Variants in HMCN2 observed in about 807,000 individuals in gnomAD.
HMCN2 encodes the protein hemicentin 2, also known as hemicentin-2.
In HMCN2, 325 loss-of-function variants were observed where a neutral mutation model predicts 377.5. That is an observed-to-expected ratio of 0.86 (90% CI 0.79 to 0.94). HMCN2 has a LOEUF of 0.94. Among genes scored for constraint, HMCN2 ranks in the 40% least tolerant of loss-of-function variants. The pLI, the probability that HMCN2 is intolerant of heterozygous loss-of-function variation, is 0.00. For missense variants in HMCN2, 4,543 were observed against 4,725.3 expected (o/e 0.96, Z 1.13); for synonymous variants, 2,007 against 2,046.8 (o/e 0.98, Z 0.53).
At chr9:130,309,362 A>C (rs1442499138) in intron 14 of HMCN2, among the ~76,000 whole-genome samples, 4 of 151,854 alleles carry the variant, frequency 2.6e-5, no homozygotes, top group Non-Finnish European at 5.9e-5. Context: ...AAAAATATAA[A>C]AAATTAGCTG....
chr9:130,319,929 C>T (rs1588236406), intron 16 of HMCN2, among the ~76,000 whole-genome samples: 1 of 152,236 alleles, frequency 6.6e-6, no homozygotes, highest in East Asian at 1.9e-4. Flanking sequence ...GATTAGCAGC[C>T]ACTTTATGGG....
Position 130,351,364 on chromosome 9 carries a change from A to C in HMCN2, c.4431-59A>C, listed in dbSNP as rs1416208443. ...TACAAGCCACACACTCCCTGTGTGC[A>C]GCGTGTCCCATCCAGCCCCTCGGCC... is the stretch of plus-strand genomic sequence containing the variant. On this transcript the variant is annotated intron_variant, in intron 29 of 97. Coordinates refer to ENST00000683500, the MANE Select transcript of HMCN2 (RefSeq NM_001291815.2). The surrounding 1 kb of genome is among the most constrained non-coding windows in gnomAD (Gnocchi z 5.4). 8.1e-7 allele frequency: 1 copy of C among 1,237,638 alleles called. No individual in the cohort carries two copies. The highest frequency in any genetic ancestry group is 2.5e-5 in the Admixed American group (1 of 40,316). The allele number at this position is 1,237,638 out of a possible 1,614,324, so 76.7% of individuals were successfully genotyped here.
At chr9:130,429,199 C>T (rs1844582167) in intron 93 of HMCN2, 2 of 236,834 alleles carry the variant, frequency 8.4e-6, no homozygotes, top group Admixed American at 1.0e-4. Context: ...GGCTCCCCTC[C>T]TCACCACGAC....
In HMCN2 at chr9:130,428,273, CTG is replaced by C. The variant is rs528316619; in HGVS notation, c.14066-82_14066-81del. On this transcript the variant is annotated intron_variant, in intron 92 of 97. Transcript: ENST00000683500. The surrounding 1 kb of genome is among the most constrained non-coding windows in gnomAD (Gnocchi z 5.0). ...GCTCCTGGGCCTGCGGACGAAGCCT[CTG>C]TGGATAGGCCGGGCCAGGGTCAGGT... 9.0e-5 allele frequency: 129 copies of C among 1,427,804 alleles called. No individual in the cohort carries two copies. In the African/African-American group the frequency reaches 1.7e-3, roughly 19 times the overall value. The allele number at this position is 1,427,804 out of a possible 1,614,324, so 88.4% of individuals were successfully genotyped here. A position where few individuals can be genotyped will look rare whatever the true frequency, so the allele number is the denominator to read the frequency against.
rs549666893 is a variant in HMCN2 at position 130,431,208 on chromosome 9, C to T, written c.14648-159C>T. Reference sequence around the variant, plus strand: ...TCCCTCTCAGCAAGCACAGGGACTCCCCCAACCCCTGAACCTGGGCTGGGA... The same window carrying T: ...TCCCTCTCAGCAAGCACAGGGACTCTCCCAACCCCTGAACCTGGGCTGGGA... On this transcript the variant is annotated intron_variant, in intron 95 of 97. Coordinates refer to ENST00000683500, the MANE Select transcript of HMCN2 (RefSeq NM_001291815.2). 3.1e-4 allele frequency: 224 copies of T among 732,790 alleles called. 1 individual carries two copies. The South Asian group carries it at 3.9e-3, about 13-fold the overall frequency. The allele number at this position is 732,790 out of a possible 1,614,324, so 45.4% of individuals were successfully genotyped here.
chr9:130,352,511 A>C (rs113885339), intron 30 of HMCN2, among the ~76,000 whole-genome samples: 1 of 152,208 alleles, frequency 6.6e-6, no homozygotes, highest in Non-Finnish European at 1.5e-5. Flanking sequence ...CAGTTATTTC[A>C]TGCTGTGCCC....
chr9:130,277,586 G>A (rs1564739003), intron 1 of HMCN2, among the ~76,000 whole-genome samples: 1 of 152,178 alleles, frequency 6.6e-6, no homozygotes, highest in African/African-American at 2.4e-5. Flanking sequence ...AGACCTCATA[G>A]GTTGTTGTAA....
chr9:130,318,687 C>G (rs990731326), intron 15 of HMCN2, among the ~76,000 whole-genome samples: 1 of 152,150 alleles, frequency 6.6e-6, no homozygotes, highest in East Asian at 1.9e-4. Context: ...TCTTATAACT[C>G]CTGGTTTCCA....
intron 36 of HMCN2, 89 bp downstream of exon 36, chr9:130,358,575 G>T: frequency 8.2e-7 from 1 of 1,216,048 alleles, no homozygotes; most frequent in Non-Finnish European, 1.1e-6. Flanking sequence ...GGCGAGGGAG[G>T]GGGAGGAGGT....
chr9:130,365,533 C>A, intron 41 of HMCN2, 98 bp from the exon 42 acceptor site: 1 of 518,594 alleles, frequency 1.9e-6, no homozygotes, highest in Non-Finnish European at 2.5e-6. Context: ...CTTGGGGGCT[C>A]AGCAAGGTCA....
chr9:130,272,558 T>G (rs925583278), intron 1 of HMCN2, among the ~76,000 whole-genome samples: 1 of 151,880 alleles, frequency 6.6e-6, no homozygotes, highest in African/African-American at 2.4e-5. Flanking sequence ...CTTCTTCTTT[T>G]AAACTTTGAG....
Position 130,405,495 on chromosome 9 carries a change from A to T in HMCN2, c.12339+436A>T, listed in dbSNP as rs373279280. On this transcript the variant is annotated intron_variant, in intron 81 of 97. Coordinates refer to ENST00000683500, the MANE Select transcript of HMCN2 (RefSeq NM_001291815.2). Reference sequence around the variant, plus strand: ...AATTTTATGATGAGACCCTCTCCAGATGGGTTCAGTGGACACACCTAGAGG... The same window carrying T: ...AATTTTATGATGAGACCCTCTCCAGTTGGGTTCAGTGGACACACCTAGAGG... Among the ~76,000 whole-genome samples, 24 of 152,082 alleles carry T rather than the reference A, an allele frequency of 1.6e-4. No individual in the cohort carries two copies. The South Asian group carries it at 3.1e-3, about 20-fold the overall frequency.
intron 61 of HMCN2, among the ~76,000 whole-genome samples, chr9:130,386,991 C>T (rs1235556657): frequency 6.6e-6 from 1 of 152,214 alleles, no homozygotes. Flanking sequence ...ATCCCATGGA[C>T]CGCCATGACA....
intron 25 of HMCN2, among the ~76,000 whole-genome samples, chr9:130,345,620 G>T (rs1435519171): frequency 6.6e-6 from 1 of 151,546 alleles, no homozygotes. Context: ...GGTGTGTGGT[G>T]TGTGTATCGT....
rs142150951 is a variant in HMCN2, at chr9:130,304,847, G to A, written c.1661G>A (p.Trp554Ter). ...TACAACCTGACGTGGGTCCGGGACT[G>A]GCGAGTCCTGCCGGCCTCGACGGGC... Reference protein sequence around the residue: ...APYNLTWVRDWRVLPASTGRV... With the variant: ...APYNLTWVRD Residue 554 changes from tryptophan (W) to a stop codon, truncating the protein, a stop_gained, in exon 11 of 98, where the codon TGG becomes TAG. Transcript: ENST00000683500. LOFTEE classifies it high-confidence loss of function. This position sits in a 1 kb window ranked among gnomAD's most constrained non-coding sequence, Gnocchi z 4.3. The A allele has an allele frequency of 2.1e-6, 1 of 471,148 alleles. No individual in the cohort carries two copies. Among genetic ancestry groups the A allele is most frequent in the Non-Finnish European group, 4.4e-6 (1 of 227,056 alleles). 29.2% of individuals were successfully genotyped at this position (471,148 alleles called of 1,614,324 possible).
intron 39 of HMCN2, among the ~76,000 whole-genome samples, chr9:130,362,650 G>A (rs2131569912): frequency 6.6e-6 from 1 of 152,366 alleles, no homozygotes; most frequent in East Asian, 1.9e-4. Flanking sequence ...GGGCTCTAGA[G>A]GACTCTTCCT....
chr9:130,285,194 A>G lies in HMCN2; in HGVS notation c.367A>G (p.Ile123Val), dbSNP rs1373944505. The change falls in exon 3 of 98, where the codon ATT becomes GTT. Residue 123 changes from isoleucine (I) to valine (V), a missense_variant. This residue lies in a region of HMCN2 where 547 missense variants were observed against 189.9 expected (regional missense o/e 2.88). Coordinates refer to ENST00000683500, the MANE Select transcript of HMCN2 (RefSeq NM_001291815.2). ...GDCPEMSVGA[I>V]KAAVEVANPG... ...CTGCCCGGAGATGAGTGTGGGGGCC[A>G]TTAAGGCTGCCGTGGAGGTTGCCAA... 4.2e-6 allele frequency: 2 copies of G among 471,026 alleles called. No individual in the cohort carries two copies. The highest frequency in any genetic ancestry group is 6.9e-5 in the East Asian group (1 of 14,398). 29.2% of individuals were successfully genotyped at this position (471,026 alleles called of 1,614,324 possible).
intron 8 of HMCN2, among the ~76,000 whole-genome samples, chr9:130,302,141 C>T (rs2131337467): frequency 6.6e-6 from 1 of 151,886 alleles, no homozygotes; most frequent in East Asian, 1.9e-4. Flanking sequence ...TCCCGGATCC[C>T]AGTTCAAGCA....
At chr9:130,302,524 G>A (rs1041256417) in intron 8 of HMCN2, among the ~76,000 whole-genome samples, 1 of 152,162 alleles carries the variant, frequency 6.6e-6, no homozygotes, top group Non-Finnish European at 1.5e-5. Context: ...GCCTGGTCCA[G>A]GCTGGCCAAC....
Sources: allele counts gnomAD v4.1 joint callset (sites outside exome capture counted in the v4.1 genomes callset), GRCh38; gene constraint gnomAD v4.1.1; regional missense constraint gnomAD v4.1.1; non-coding constraint Gnocchi (gnomAD v3.1); transcripts MANE v1.5; gene names NCBI Gene and HGNC (gene_info 2026-07-23, HGNC 2026-07-21).